The following ACE variants were observed in gnomAD, a reference collection of about 807,000 sequenced individuals.
ACE encodes angiotensin-converting enzyme.
A neutral mutation model predicts 162.3 loss-of-function variants in ACE; 122 were observed. That is an observed-to-expected ratio of 0.75 (90% CI 0.65 to 0.87). The LOEUF is 0.87. Among genes scored for constraint, ACE ranks in the 40% least tolerant of loss-of-function variants. ACE has a pLI of 0.00. For synonymous variants in ACE, 796 were observed against 720.6 expected, an observed-to-expected ratio of 1.10 and a Z score of -1.68; for missense variants, 1,799 against 1,735.1, an observed-to-expected ratio of 1.04 and a Z score of -0.65.
At chr17:63,483,259 C>A in intron 9 of ACE, 86 bp downstream of exon 9, 1 of 1,603,124 alleles carries the variant, frequency 6.2e-7, no homozygotes, top group South Asian at 1.1e-5. Flanking sequence ...CCAGCCAGTT[C>A]TAGCCTCTCC....
Position 63,491,317 on chromosome 17 carries a change from A to G in ACE, c.2848A>G (p.Thr950Ala). 6.2e-7 allele frequency: 1 copy of G among 1,614,080 alleles called. No individual in the cohort carries two copies. The highest frequency in any genetic ancestry group is 8.5e-7 in the Non-Finnish European group (1 of 1,180,030). The change falls in exon 19 of 25, where the codon ACC becomes GCC. Residue 950 changes from threonine (T) to alanine (A), a missense_variant. Thr to Ala is a moderately conservative substitution (Grantham distance 58, BLOSUM62 0). Transcript: ENST00000290866. This position sits in a 1 kb window ranked among gnomAD's most constrained non-coding sequence, Gnocchi z 4.4. ...FWNKSMLEKP[T>A]DGREVVCHAS... ...GAACAAGTCGATGCTGGAGAAGCCA[A>G]CCGACGGGCGGGAGGTGGTCTGCCA... is the stretch of plus-strand genomic sequence containing the variant.
rs932882408 is a variant in ACE at position 63,477,486 on chromosome 17, G to A, written c.249+143G>A. The A allele has an allele frequency of 1.3e-5, 8 of 601,140 alleles. No homozygotes were observed. In the Admixed American group the frequency reaches 2.9e-4, roughly 21 times the overall value. 37.2% of individuals were successfully genotyped at this position (601,140 alleles called of 1,614,324 possible). ...GACCCTCGCCCCGACAGTCAGCCGCGGGGCCCGAGCGCCGGGCTGCGCGCA... is the reference window on the plus strand; with the variant it reads ...GACCCTCGCCCCGACAGTCAGCCGCAGGGCCCGAGCGCCGGGCTGCGCGCA... On this transcript the variant is annotated intron_variant, in intron 1 of 24. Coordinates refer to ENST00000290866, the MANE Select transcript of ACE (RefSeq NM_000789.4).
chr17:63,495,691 C>T (rs1293270678), intron 22 of ACE, among the ~76,000 whole-genome samples: 1 of 152,244 alleles, frequency 6.6e-6, no homozygotes, highest in Non-Finnish European at 1.5e-5. Flanking sequence ...GGTGTGATGG[C>T]TAGCTTCCCA....
At chr17:63,478,811 G>T in intron 2 of ACE, 196 bp from the exon 3 acceptor site, 1 of 637,406 alleles carries the variant, frequency 1.6e-6, no homozygotes, top group South Asian at 1.7e-5. Flanking sequence ...CACTCCACAG[G>T]CTGCCTCCAC....
rs775421383 is a variant in ACE at position 63,494,386 on chromosome 17, G to A, written c.3296G>A (p.Gly1099Asp). The A allele has an allele frequency of 6.2e-7, 1 of 1,614,050 alleles. No individual in the cohort carries two copies. The highest frequency in any genetic ancestry group is 1.7e-5 in the Admixed American group (1 of 60,012). Reference sequence around the variant, plus strand: ...CCACTCGACAGGCTGAAGTACCAGGGCCTCTGCCCCCCAGTGCCCAGGACT... The same window carrying A: ...CCACTCGACAGGCTGAAGTACCAGGACCTCTGCCCCCCAGTGCCCAGGACT... ...EWWSLRLKYQ[G>D]LCPPVPRTQG... The change falls in exon 22 of 25, where the codon GGC becomes GAC. Residue 1099 changes from glycine (G) to aspartate (D), a missense_variant. Physicochemically the swap from Gly to Asp is moderately conservative, Grantham distance 94 (BLOSUM62 -1). Transcript: ENST00000290866.
Position 63,485,253 on chromosome 17 carries a change from G to A in ACE, c.1939G>A (p.Ala647Thr), listed in dbSNP as rs1325764936. The stretch of plus-strand genomic sequence containing the variant: ...TCCCACAGACCTGGTGACTGATGAG[G>A]CTGAGGCCAGCAAGTTTGTGGAGGA... ...PEGIDLVTDE[A>T]EASKFVEEYD... Residue 647 changes from alanine to threonine, a missense_variant, in exon 13 of 25, where the codon GCT becomes ACT. Ala to Thr is a moderately conservative substitution (Grantham distance 58). Transcript: ENST00000290866. 1.9e-6 allele frequency: 3 copies of A among 1,614,146 alleles called. No homozygotes were observed. Among genetic ancestry groups the A allele is most frequent in the Non-Finnish European group, 2.5e-6 (3 of 1,180,034 alleles).
chr17:63,486,408 T>C (rs1238086883), intron 13 of ACE, 149 bp from the exon 14 acceptor site: 3 of 835,428 alleles, frequency 3.6e-6, no homozygotes, highest in Middle Eastern at 6.4e-4. Context: ...AGCGTCCAGC[T>C]TGCAGAGAGT....
rs1266895232 is a variant in ACE at position 63,494,006 on chromosome 17, G to A, written c.3221G>A (p.Trp1074Ter). Reference sequence around the variant, plus strand: ...AGCTACCTCGTCGATCAGTGGCGCTGGAGGGTATTTGATGGAAGCATCACC... The same window carrying A: ...AGCTACCTCGTCGATCAGTGGCGCTAGAGGGTATTTGATGGAAGCATCACC... ...PFSYLVDQWR[W>*]RVFDGSITKE... The change falls in exon 21 of 25, where the codon TGG (tryptophan) becomes TAG (stop). Residue 1074 changes from tryptophan (W) to a stop codon, truncating the protein, a stop_gained. Transcript: ENST00000290866. LOFTEE classifies it high-confidence loss of function. 4 of 1,614,022 alleles carry A rather than the reference G, an allele frequency of 2.5e-6. No individual in the cohort carries two copies. Among genetic ancestry groups the A allele is most frequent in the African/African-American group, 1.3e-5 (1 of 74,896 alleles).
chr17:63,496,727 A>C lies in ACE; in HGVS notation c.3504-71A>C, dbSNP rs115324574. On this transcript the variant is annotated intron_variant, in intron 23 of 24. Transcript: ENST00000290866. ...GTTTCAGCTGGGAGTGGGTATGGAGAGTGGATGTCAGGTGGGGGCAAGAGG... is the reference window on the plus strand; with the variant it reads ...GTTTCAGCTGGGAGTGGGTATGGAGCGTGGATGTCAGGTGGGGGCAAGAGG... The C allele has an allele frequency of 1.3e-3, 2,095 of 1,599,020 alleles. 13 individuals carry two copies. The African/African-American group carries it at 0.02, about 15-fold the overall frequency.
intron 4 of ACE, 145 bp from the exon 5 acceptor site, chr17:63,480,192 A>T: frequency 1.1e-6 from 1 of 946,090 alleles, no homozygotes; most frequent in East Asian, 2.6e-5. Flanking sequence ...GCTAATTAGA[A>T]ATTGTAGAGT....
rs772691613 is a variant in ACE at position 63,483,499 on chromosome 17, C to T, written c.1527C>T (p.Asn509=). 1.3e-5 allele frequency: 21 copies of T among 1,614,020 alleles called. No individual in the cohort carries two copies. Among genetic ancestry groups the T allele is most frequent in the Admixed American group, 1.7e-5 (1 of 60,000 alleles). Residue 509 remains asparagine (N), a synonymous_variant, in exon 10 of 25, where the codon AAC becomes AAT. Coordinates refer to ENST00000290866, the MANE Select transcript of ACE (RefSeq NM_000789.4). ...YQGICPPVTR[N]ETHFDAGAKF... The stretch of plus-strand genomic sequence containing the variant: ...GGATCTGTCCTCCTGTTACCCGAAA[C>T]GAAACCCACTTTGATGCTGGAGCTA...
Position 63,481,116 on chromosome 17 carries a change from A to G in ACE, c.873A>G (p.Glu291=), listed in dbSNP as rs753237292. Residue 291 remains glutamate (E), a synonymous_variant, in exon 6 of 25, where the codon GAA becomes GAG. Coordinates refer to ENST00000290866, the MANE Select transcript of ACE (RefSeq NM_000789.4). ...LLGDMWAQSW[E]NIYDMVVPFP... is the part of the protein sequence containing the mutation. ...GAGACATGTGGGCCCAGAGCTGGGA[A>G]AACATCTACGACATGGTGGTGCCTT... 11 of 1,613,906 alleles carry G rather than the reference A, an allele frequency of 6.8e-6. No individual in the cohort carries two copies. Among genetic ancestry groups the G allele is most frequent in the Non-Finnish European group, 9.3e-6 (11 of 1,179,996 alleles).
At chr17:63,477,390 A>G in intron 1 of ACE, 47 bp downstream of exon 1, 1 of 1,195,628 alleles carries the variant, frequency 8.4e-7, no homozygotes. Context: ...CGCGGCGGCC[A>G]ATCACAGCAC....
intron 22 of ACE, among the ~76,000 whole-genome samples, chr17:63,495,652 C>A (rs1039099369): frequency 1.3e-5 from 2 of 152,300 alleles, no homozygotes; most frequent in South Asian, 2.1e-4. Context: ...GGTTCCCAGC[C>A]GGCGCTGGCT....
chr17:63,494,154 G>C, intron 21 of ACE, 88 bp downstream of exon 21: 1 of 1,546,326 alleles, frequency 6.5e-7, no homozygotes, highest in Non-Finnish European at 8.8e-7. Flanking sequence ...CAGGGTAGGG[G>C]AGTGTGTGTG....
chr17:63,483,567 G>GCGGGGGGCGCCCCCCCCC lies in ACE; in HGVS notation c.1586+10_1586+11insGGGGGGCGCCCCCCCCCC. Reference sequence around the variant, plus strand: ...GTGACACCATACATCAGGTATTAGCGCCCCCACCCCACCCACCCCCAGTAC... The same window carrying GCGGGGGGCGCCCCCCCCC: ...GTGACACCATACATCAGGTATTAGCGCGGGGGGCGCCCCCCCCCCCCCCACCCCACCCACCCCCAGTAC... On this transcript the variant is annotated intron_variant, in intron 10 of 24. Transcript: ENST00000290866. The GCGGGGGGCGCCCCCCCCC allele has an allele frequency of 1.3e-6, 2 of 1,589,580 alleles. No homozygotes were observed. The highest frequency in any genetic ancestry group is 1.7e-6 in the Non-Finnish European group (2 of 1,165,686).
chr17:63,484,230 C>T lies in ACE; in HGVS notation c.1710-100C>T. The T allele has an allele frequency of 7.3e-7, 1 of 1,376,788 alleles. No individual in the cohort carries two copies. The highest frequency in any genetic ancestry group is 1.0e-6 in the Non-Finnish European group (1 of 1,002,604). 85.3% of individuals were successfully genotyped at this position (1,376,788 alleles called of 1,614,324 possible). A position where few individuals can be genotyped will look rare whatever the true frequency, so the allele number is the denominator to read the frequency against. On this transcript the variant is annotated intron_variant, in intron 11 of 24. Coordinates refer to ENST00000290866, the MANE Select transcript of ACE (RefSeq NM_000789.4). The surrounding 1 kb of genome is among the most constrained non-coding windows in gnomAD (Gnocchi z 4.0). ...GTCTTATTGCCACAGTTTCTGCAGTCCATTGGGGGGCGGAAGTGGCCAGGG... is the reference window on the plus strand; with the variant it reads ...GTCTTATTGCCACAGTTTCTGCAGTTCATTGGGGGGCGGAAGTGGCCAGGG...
intron 20 of ACE, 122 bp downstream of exon 20, chr17:63,493,781 A>G: frequency 6.6e-7 from 1 of 1,519,464 alleles, no homozygotes; most frequent in Middle Eastern, 2.1e-4. Context: ...AATCGGAAGG[A>G]AGGGAGCCAC....
chr17:63,495,384 G>C (rs2030664836), intron 22 of ACE, among the ~76,000 whole-genome samples: 1 of 152,186 alleles, frequency 6.6e-6, no homozygotes, highest in African/African-American at 2.4e-5. Flanking sequence ...GAGGGCTGTG[G>C]CTGCCTCTGG....
Sources: allele counts gnomAD v4.1 joint callset (sites outside exome capture counted in the v4.1 genomes callset), GRCh38; gene constraint gnomAD v4.1.1; non-coding constraint Gnocchi (gnomAD v3.1); transcripts MANE v1.5; gene names NCBI Gene and HGNC (gene_info 2026-07-23, HGNC 2026-07-21).